Variants in ACOXL observed in about 807,000 individuals in gnomAD.
ACOXL encodes acyl-CoA oxidase like, also known as acyl-coenzyme A oxidase-like protein.
Under a neutral mutation model 71.9 loss-of-function variants are expected in ACOXL, and 70 were observed. The ratio of observed to expected loss-of-function variants is 0.97; its 90% CI spans 0.80 to 1.19. ACOXL has a LOEUF of 1.19. ACOXL is among the 50% of genes most tolerant of loss of function. The pLI, the probability that ACOXL is intolerant of heterozygous loss-of-function variation, is 0.00. For missense variants in ACOXL, 703 were observed against 736.3 expected, an observed-to-expected ratio of 0.95 and a Z score of 0.52; for synonymous variants, 253 against 281.6, an observed-to-expected ratio of 0.90 and a Z score of 1.02.
At chr2:110,761,427 A>G (rs1573385297) in intron 1 of ACOXL, among the ~76,000 whole-genome samples, 2 of 152,222 alleles carry the variant, frequency 1.3e-5, no homozygotes, top group South Asian at 2.1e-4. Flanking sequence ...TTCTCTGGAA[A>G]TACCTGAGGT....
chr2:111,010,154 T>C (rs937408644), intron 14 of ACOXL, among the ~76,000 whole-genome samples: 6 of 151,974 alleles, frequency 3.9e-5, no homozygotes, highest in African/African-American at 1.5e-4. Flanking sequence ...TTCCCAGATA[T>C]TGAAATTAGC....
At chr2:110,784,872 GA>G (rs1463102018) in intron 3 of ACOXL, 57 bp downstream of exon 3, 3 of 1,498,456 alleles carry the variant, frequency 2.0e-6, no homozygotes, top group Non-Finnish European at 2.7e-6. Flanking sequence ...GCATGCCAAG[GA>G]ATGAAAACTA....
chr2:110,750,470 C>T (rs1198660787), intron 1 of ACOXL, among the ~76,000 whole-genome samples: 1 of 151,696 alleles, frequency 6.6e-6, no homozygotes, highest in African/African-American at 2.4e-5. Context: ...TATTTGAGAA[C>T]GGTATTTAGA....
chr2:110,762,923 C>T (rs763635984), intron 1 of ACOXL, among the ~76,000 whole-genome samples: 2 of 152,176 alleles, frequency 1.3e-5, no homozygotes, highest in Non-Finnish European at 2.9e-5. Context: ...TCCCACAGTG[C>T]TTGAATTATA....
At chr2:111,050,104 C>T (rs751747894) in intron 16 of ACOXL, among the ~76,000 whole-genome samples, 2 of 152,082 alleles carry the variant, frequency 1.3e-5, no homozygotes, top group African/African-American at 2.4e-5. Context: ...AGTGCTGTAC[C>T]ACCAGGAAAC....
At chr2:110,793,927 C>A in intron 4 of ACOXL, 149 bp from the exon 5 acceptor site, 2 of 835,330 alleles carry the variant, frequency 2.4e-6, no homozygotes, top group Non-Finnish European at 1.9e-6. Flanking sequence ...TGTTGTTAAG[C>A]TCACATTCGC....
chr2:111,025,696 T>C (rs1178592700), intron 14 of ACOXL, among the ~76,000 whole-genome samples: 1 of 152,218 alleles, frequency 6.6e-6, no homozygotes, highest in East Asian at 1.9e-4. Context: ...TTACAAATTC[T>C]GTACAGAAAT....
chr2:110,923,462 T>C (rs899142709), intron 11 of ACOXL, among the ~76,000 whole-genome samples: 1 of 152,186 alleles, frequency 6.6e-6, no homozygotes, highest in East Asian at 1.9e-4. Flanking sequence ...GTTTATTCAA[T>C]ACATTTGATC....
At chr2:110,813,065 AGACCTAGGAGCT>A (rs1687532123) in intron 9 of ACOXL, among the ~76,000 whole-genome samples, 1 of 152,200 alleles carries the variant, frequency 6.6e-6, no homozygotes, top group Non-Finnish European at 1.5e-5. Flanking sequence ...TCTGGCACAA[AGACCTAGGAGCT>A]GACATCCAGC....
chr2:110,835,267 T>G (rs1017707350), intron 9 of ACOXL, among the ~76,000 whole-genome samples: 2 of 152,220 alleles, frequency 1.3e-5, no homozygotes, highest in African/African-American at 4.8e-5. Flanking sequence ...CTTTAGGTTT[T>G]TTTTTTAAAT....
intron 2 of ACOXL, among the ~76,000 whole-genome samples, chr2:110,777,009 G>A (rs77214864): frequency 0.019 from 2,821 of 152,046 alleles, 38 homozygotes; most frequent in Middle Eastern, 0.058. Context: ...TGGAGTGAGA[G>A]AGGGGAAAGA....
chr2:110,992,033 C>G (rs1474965062), intron 13 of ACOXL, among the ~76,000 whole-genome samples: 1 of 152,208 alleles, frequency 6.6e-6, no homozygotes, highest in East Asian at 1.9e-4. Flanking sequence ...CCTTTCGTTT[C>G]TTTTTCAGAT....
chr2:110,946,113 CAT>C (rs777772542), intron 12 of ACOXL, among the ~76,000 whole-genome samples: 20 of 152,294 alleles, frequency 1.3e-4, no homozygotes, highest in Non-Finnish European at 2.5e-4. Flanking sequence ...TGTGGCATAA[CAT>C]GTGAACGTTA....
chr2:110,798,979 G>A, intron 6 of ACOXL, 35 bp from the exon 7 acceptor site: 2 of 1,595,156 alleles, frequency 1.3e-6, no homozygotes, highest in South Asian at 1.1e-5. Context: ...GCTATAGGAA[G>A]GAGAGCTTAA....
intron 16 of ACOXL, among the ~76,000 whole-genome samples, chr2:111,052,068 C>T (rs2066313157): frequency 6.6e-6 from 1 of 152,140 alleles, no homozygotes; most frequent in African/African-American, 2.4e-5. Flanking sequence ...ATGGCTGAAC[C>T]AAGGTCAGAT....
chr2:110,845,665 A>T (rs1024534272), intron 10 of ACOXL, among the ~76,000 whole-genome samples: 1 of 152,180 alleles, frequency 6.6e-6, no homozygotes, highest in Non-Finnish European at 1.5e-5. Context: ...TAGGGACTTT[A>T]TATTAGTGGA....
chr2:110,902,396 G>A (rs1176430304), intron 10 of ACOXL, among the ~76,000 whole-genome samples: 1 of 152,248 alleles, frequency 6.6e-6, no homozygotes, highest in Non-Finnish European at 1.5e-5. Context: ...CTTGAACCCA[G>A]GAGATGGAGG....
intron 14 of ACOXL, among the ~76,000 whole-genome samples, chr2:111,002,029 TTC>T (rs147140146): frequency 1.5e-4 from 23 of 150,318 alleles, no homozygotes; most frequent in East Asian, 1.9e-4. Flanking sequence ...GTCTCTGTCT[TTC>T]TCTCTCTCTC....
At chr2:110,957,572 C>T (rs2061545059) in intron 12 of ACOXL, among the ~76,000 whole-genome samples, 1 of 152,206 alleles carries the variant, frequency 6.6e-6, no homozygotes, top group Non-Finnish European at 1.5e-5. Flanking sequence ...TTGTCGATGA[C>T]CATCTCCTGC....
Sources: allele counts gnomAD v4.1 joint callset (sites outside exome capture counted in the v4.1 genomes callset), GRCh38; gene constraint gnomAD v4.1.1; transcripts MANE v1.5; gene names NCBI Gene and HGNC (gene_info 2026-07-23, HGNC 2026-07-21).